The following KAZN variants were observed in gnomAD, a reference collection of about 807,000 sequenced individuals.
The protein encoded by KAZN is kazrin, periplakin interacting protein, also known as kazrin.
A neutral mutation model predicts 87.4 loss-of-function variants in KAZN; 40 were observed. The ratio of observed to expected loss-of-function variants is 0.46; its 90% CI spans 0.36 to 0.60. The LOEUF is 0.60. Ranked by LOEUF, KAZN falls within the 20% of genes least tolerant of loss-of-function variation. KAZN has a pLI of 0.00. For missense variants in KAZN, 898 were observed against 1,073.9 expected (o/e 0.84, Z 2.29); for synonymous variants, 466 against 458.3 (o/e 1.02, Z -0.22).
At chr1:14,294,923 A>G (rs1653997661) in intron 2 of KAZN, among the ~76,000 whole-genome samples, 2 of 146,894 alleles carry the variant, frequency 1.4e-5, no homozygotes. Context: ...TTCAGCAGCT[A>G]TGGACACAGA....
intron 2 of KAZN, among the ~76,000 whole-genome samples, chr1:14,213,854 C>T (rs1646905543): frequency 6.6e-6 from 1 of 152,046 alleles, no homozygotes; most frequent in Admixed American, 6.5e-5. Context: ...AGCACAGTAG[C>T]AGTAGAAGTG....
rs148647793 is a variant in KAZN at position 14,150,492 on chromosome 1, C to T, written c.92-29943C>T. On this transcript the variant is annotated intron_variant, in intron 1 of 16. Transcript: ENST00000636203. ...AGAACTTCCAACTTCATTGTGCCAT[C>T]GAAATCTGTACTTTCAAAGCTGTGT... Among the ~76,000 whole-genome samples the T allele has an allele frequency of 3.4e-3, 511 of 152,306 alleles. 1 individual carries two copies. The highest frequency in any genetic ancestry group is 0.012 in the African/African-American group (479 of 41,554).
At position 14,856,051 on chromosome 1, in the gene KAZN, G is replaced by C. The variant is rs1037923523; in HGVS notation, c.227-104633G>C. On this transcript the variant is annotated intron_variant, in intron 1 of 14. Coordinates refer to ENST00000376030, the MANE Select transcript of KAZN (RefSeq NM_201628.3). This position sits in a 1 kb window ranked among gnomAD's most constrained non-coding sequence, Gnocchi z 5.2. The stretch of plus-strand genomic sequence containing the variant: ...ATTAGTAATTGGAATGTGACATTGG[G>C]ATATGGCAGGTGAGTAATAACGTGA... 6.6e-6 allele frequency among the ~76,000 whole-genome samples: 1 copy of C among 152,210 alleles called. No individual in the cohort carries two copies. The highest frequency in any genetic ancestry group is 2.4e-5 in the African/African-American group (1 of 41,444).
chr1:14,405,309 C>T (rs1050802765), intron 2 of KAZN, among the ~76,000 whole-genome samples: 3 of 152,118 alleles, frequency 2.0e-5, no homozygotes, highest in Admixed American at 2.0e-4. Context: ...TGGTTGTATG[C>T]CCAGCGGGGA....
chr1:14,943,257 C>A (rs1412093244), intron 1 of KAZN, among the ~76,000 whole-genome samples: 1 of 151,778 alleles, frequency 6.6e-6, no homozygotes, highest in Non-Finnish European at 1.5e-5. Flanking sequence ...CCGTCTCTAC[C>A]TTTTTCAGTC....
intron 1 of KAZN, among the ~76,000 whole-genome samples, chr1:14,843,136 TG>T (rs1378583161): frequency 1.3e-5 from 2 of 152,178 alleles, no homozygotes; most frequent in African/African-American, 2.4e-5. Flanking sequence ...CCACATTCAC[TG>T]TAGAGCCAGG....
chr1:14,284,687 T>C (rs1653104412), intron 2 of KAZN, among the ~76,000 whole-genome samples: 1 of 151,754 alleles, frequency 6.6e-6, no homozygotes, highest in Non-Finnish European at 1.5e-5. Flanking sequence ...GAAGGTAGAG[T>C]GGAAAGGAAA....
At chr1:14,085,912 A>G (rs1643839395) in intron 1 of KAZN, among the ~76,000 whole-genome samples, 2 of 152,152 alleles carry the variant, frequency 1.3e-5, no homozygotes, top group Non-Finnish European at 1.5e-5. Context: ...ATTCCCCCCA[A>G]TACTTTTTAA....
intron 2 of KAZN, among the ~76,000 whole-genome samples, chr1:14,224,234 G>A (rs12040954): frequency 0.3 from 45,755 of 151,852 alleles, 7,062 homozygotes; most frequent in East Asian, 0.47. Flanking sequence ...AGGCCAAAGG[G>A]GCAGGGTCTA....
rs551521446 is a variant in KAZN, at chr1:14,833,002, C to T, written c.227-127682C>T. ...TTGCACAGCTGAAAAGATATTTATT[C>T]ATCTAAAATTTTATTTTAAAAATTG... On this transcript the variant is annotated intron_variant, in intron 1 of 14. Transcript: ENST00000376030. Among the ~76,000 whole-genome samples the T allele has an allele frequency of 3.3e-5, 5 of 152,238 alleles. No homozygotes were observed. In the East Asian group the frequency reaches 9.6e-4, roughly 29 times the overall value.
At chr1:14,311,735 T>TGG (rs1445470342) in intron 2 of KAZN, among the ~76,000 whole-genome samples, 2 of 151,952 alleles carry the variant, frequency 1.3e-5, no homozygotes, top group Admixed American at 1.3e-4. Context: ...GATGGATGGA[T>TGG]GGATGGAAGG....
intron 1 of KAZN, among the ~76,000 whole-genome samples, chr1:14,731,407 A>G (rs998451773): frequency 1.3e-5 from 2 of 152,176 alleles, no homozygotes; most frequent in African/African-American, 4.8e-5. Flanking sequence ...CCCAGCCCCA[A>G]GGCCCTGTGA....
chr1:14,166,680 A>G lies in KAZN; in HGVS notation c.92-13755A>G, dbSNP rs140576101. On this transcript the variant is annotated intron_variant, in intron 1 of 16. Coordinates refer to the KAZN transcript ENST00000636203. ...TAAATTTTGTACTATATATTTTAAC[A>G]AATTTTGACTTTTTAAACATTCTTG... Among the ~76,000 whole-genome samples, 123 of 152,306 alleles carry G rather than the reference A, an allele frequency of 8.1e-4. 1 individual carries two copies. The highest frequency in any genetic ancestry group is 2.8e-3 in the African/African-American group (115 of 41,562).
chr1:14,700,776 T>G (rs115554052), intron 1 of KAZN, among the ~76,000 whole-genome samples: 4,549 of 152,138 alleles, frequency 0.03, 235 homozygotes, highest in African/African-American at 0.1. Flanking sequence ...CTGTGCAGTC[T>G]CTATTTTAAC....
chr1:14,067,047 A>G (rs1172478124), intron 1 of KAZN, among the ~76,000 whole-genome samples: 3 of 151,940 alleles, frequency 2.0e-5, no homozygotes, highest in Non-Finnish European at 4.4e-5. Flanking sequence ...TGACTATCAT[A>G]TTGCCCAGTT....
chr1:14,417,057 T>A (rs2101250935), intron 2 of KAZN, among the ~76,000 whole-genome samples: 1 of 150,916 alleles, frequency 6.6e-6, no homozygotes, highest in East Asian at 2.0e-4. Flanking sequence ...CCAGGTGTAG[T>A]GGCATGTGCC....
At chr1:14,444,902 C>T (rs12401776) in intron 2 of KAZN, among the ~76,000 whole-genome samples, 9,648 of 152,192 alleles carry the variant, frequency 0.063, 478 homozygotes, top group East Asian at 0.22. Flanking sequence ...TTTGTTCCCC[C>T]CAAAATTCAC....
At position 14,186,044 on chromosome 1, in the gene KAZN, G is replaced by A. The variant is rs12068502; in HGVS notation, c.249+5452G>A. ...ACTTGGGGTGAGTGATGCTTGAATA[G>A]AATAGTGTCTATCAAACTGGTCCAA... On this transcript the variant is annotated intron_variant, in intron 2 of 16. Transcript: ENST00000636203. Among the ~76,000 whole-genome samples the A allele has an allele frequency of 9.4e-3, 1,435 of 152,270 alleles. 14 individuals are homozygous for A. Among genetic ancestry groups the A allele is most frequent in the African/African-American group, 0.033 (1,372 of 41,554 alleles).
intron 2 of KAZN, among the ~76,000 whole-genome samples, chr1:14,409,677 T>G (rs1245880140): frequency 6.6e-6 from 1 of 152,068 alleles, no homozygotes; most frequent in East Asian, 1.9e-4. Context: ...TAGAAAAAGC[T>G]CTGCTGAAAA....
Sources: gnomAD v4.1 joint callset for allele counts (sites outside exome capture counted in the v4.1 genomes callset) on GRCh38, gnomAD v4.1.1 for gene constraint, Gnocchi (gnomAD v3.1) non-coding constraint, MANE v1.5 for transcripts, NCBI Gene and HGNC (gene_info 2026-07-23, HGNC 2026-07-21) for gene names.